The following NUCKS1 variants were observed in gnomAD, a reference collection of about 807,000 sequenced individuals.
NUCKS1 encodes nuclear casein kinase and cyclin dependent kinase substrate 1.
A neutral mutation model predicts 33.0 loss-of-function variants in NUCKS1; 2 were observed. That is an observed-to-expected ratio of 0.06 (90% confidence interval 0.02 to 0.19). NUCKS1 has a LOEUF of 0.19. Ranked by LOEUF, NUCKS1 falls within the 10% of genes least tolerant of loss-of-function variation. The pLI is 1.00. For missense variants in NUCKS1, 201 were observed against 293.6 expected (o/e 0.68, Z 2.31); for synonymous variants, 106 against 102.8 (o/e 1.03, Z -0.19).
intron 1 of NUCKS1, among the ~76,000 whole-genome samples, chr1:205,743,735 G>A (rs1558056408): frequency 6.6e-6 from 1 of 152,062 alleles, no homozygotes; most frequent in Non-Finnish European, 1.5e-5. Flanking sequence ...CTTTCTCATC[G>A]ACCTTGTAAC....
rs1671769401 is a variant in NUCKS1, at chr1:205,712,934, G to A, written c.*5346C>T. The A allele has an allele frequency of 6.6e-6, 1 of 152,110 alleles. No homozygotes were observed. The highest frequency in any genetic ancestry group is 6.5e-5 in the Admixed American group (1 of 15,268). The allele number at this position is 152,110 out of a possible 1,614,324, so 9.4% of individuals were successfully genotyped here. Reference sequence around the variant, plus strand: ...AAAAATGCTAATTAAGAATCCTTACGCACCCAGTCCAGTGCTCCCTTAATT... The same window carrying A: ...AAAAATGCTAATTAAGAATCCTTACACACCCAGTCCAGTGCTCCCTTAATT... On this transcript the variant is annotated 3_prime_UTR_variant, in exon 7 of 7. Transcript: ENST00000367142.
At chr1:205,727,377 T>C (rs940350059) in intron 3 of NUCKS1, among the ~76,000 whole-genome samples, 5 of 152,182 alleles carry the variant, frequency 3.3e-5, no homozygotes, top group African/African-American at 1.2e-4. Flanking sequence ...GGAGAATTGA[T>C]TATGAGACAG....
intron 1 of NUCKS1, among the ~76,000 whole-genome samples, chr1:205,742,983 G>A (rs1316568332): frequency 1.3e-5 from 2 of 152,108 alleles, no homozygotes; most frequent in Non-Finnish European, 2.9e-5. Context: ...TTACAGCTAG[G>A]AATTGTTTTT....
Position 205,719,585 on chromosome 1 carries a change from C to G in NUCKS1, c.474G>C (p.Lys158Asn). ...TTTCTTTTCTTTCAGGTTTGGACTT[C>G]TTAACCATCTTTTTGTTTTTCTTTT... Reference protein sequence around the residue: ...SSKKKNKKMVKKSKPERKEKK... With the variant: ...SSKKKNKKMVNKSKPERKEKK... The change falls in exon 6 of 7, where the codon AAG becomes AAC. Residue 158 changes from lysine to asparagine, a missense_variant. Lys to Asn is a moderately conservative substitution (Grantham distance 94, BLOSUM62 0). Transcript: ENST00000367142. 6.2e-7 allele frequency: 1 copy of G among 1,613,576 alleles called. No individual in the cohort carries two copies. Among genetic ancestry groups the G allele is most frequent in the Non-Finnish European group, 8.5e-7 (1 of 1,179,828 alleles).
At chr1:205,748,232 A>C (rs575732034) in intron 1 of NUCKS1, among the ~76,000 whole-genome samples, 1 of 152,356 alleles carries the variant, frequency 6.6e-6, no homozygotes, top group South Asian at 2.1e-4. Context: ...AATCTGGGAA[A>C]ACAAATTCAG....
chr1:205,735,841 CT>C (rs771859793), intron 1 of NUCKS1, among the ~76,000 whole-genome samples: 3 of 152,270 alleles, frequency 2.0e-5, no homozygotes, highest in Non-Finnish European at 2.9e-5. Flanking sequence ...GATTAAGTCA[CT>C]TTGTTGAAAA....
chr1:205,741,824 TTG>T (rs1388676125), intron 1 of NUCKS1, among the ~76,000 whole-genome samples: 2 of 152,156 alleles, frequency 1.3e-5, no homozygotes, highest in Non-Finnish European at 2.9e-5. Flanking sequence ...ATGCAGAGTT[TTG>T]TGTTTAACAA....
chr1:205,721,858 G>C (rs1671924243), intron 4 of NUCKS1, among the ~76,000 whole-genome samples: 1 of 151,866 alleles, frequency 6.6e-6, no homozygotes, highest in African/African-American at 2.4e-5. Flanking sequence ...ATTTTTAGTA[G>C]AGACAGGGTT....
At chr1:205,718,631 TC>T in intron 6 of NUCKS1, 152 bp from the exon 7 acceptor site, 1 of 1,027,036 alleles carries the variant, frequency 9.7e-7, no homozygotes, top group Non-Finnish European at 1.4e-6. Flanking sequence ...AGCACATATA[TC>T]CCTAGGTAAA....
intron 4 of NUCKS1, among the ~76,000 whole-genome samples, chr1:205,723,352 T>A (rs755218296): frequency 6.6e-6 from 1 of 152,116 alleles, no homozygotes; most frequent in African/African-American, 2.4e-5. Context: ...CAACAACAAG[T>A]AGAATCATCA....
intron 3 of NUCKS1, 152 bp from the exon 4 acceptor site, chr1:205,724,133 AT>A: frequency 1.4e-6 from 1 of 696,110 alleles, no homozygotes; most frequent in Non-Finnish European, 2.7e-6. Context: ...TTATTTCCTT[AT>A]TTACAGGGAT....
At position 205,717,848 on chromosome 1, in the gene NUCKS1, A is replaced by C; in HGVS notation, c.*432T>G. The C allele has an allele frequency of 2.0e-6, 2 of 985,934 alleles. No homozygotes were observed. The highest frequency in any genetic ancestry group is 2.4e-6 in the Non-Finnish European group (2 of 830,072). The allele number at this position is 985,934 out of a possible 1,614,324, so 61.1% of individuals were successfully genotyped here. ...AATCATTTTGAACTAAAATCTTTCT[A>C]TGTTTTTTGATTACTATTCAACTTG... On this transcript the variant is annotated 3_prime_UTR_variant, in exon 7 of 7. Transcript: ENST00000367142.
At position 205,726,298 on chromosome 1, in the gene NUCKS1, T is replaced by A. The variant is rs114715101; in HGVS notation, c.173+1402A>T. Among the ~76,000 whole-genome samples, 1,326 of 152,334 alleles carry A rather than the reference T, an allele frequency of 8.7e-3. 17 individuals are homozygous for A. The highest frequency in any genetic ancestry group is 0.012 in the Non-Finnish European group (837 of 68,028). On this transcript the variant is annotated intron_variant, in intron 3 of 6. Coordinates refer to ENST00000367142, the MANE Select transcript of NUCKS1 (RefSeq NM_022731.5). ...TGGGACGCTGAGATGGGAGGATCGC[T>A]TGAGCCCAGGAGTTTGAAACTAGCC...
chr1:205,714,567 C>A lies in NUCKS1; in HGVS notation c.*3713G>T, dbSNP rs1671793113. ...CATTTTGTATCGAATTTACCCCAGA[C>A]AAAGGGAAAACTGGTTGCGACTGAA... On this transcript the variant is annotated 3_prime_UTR_variant, in exon 7 of 7. Transcript: ENST00000367142. 6.6e-6 allele frequency: 1 copy of A among 152,084 alleles called. No homozygotes were observed. Among genetic ancestry groups the A allele is most frequent in the Non-Finnish European group, 1.5e-5 (1 of 68,010 alleles). 9.4% of individuals were successfully genotyped at this position (152,084 alleles called of 1,614,324 possible).
In NUCKS1 at chr1:205,717,776, T is replaced by C. The variant is rs1671848972; in HGVS notation, c.*504A>G. The C allele has an allele frequency of 2.0e-6, 2 of 985,212 alleles. No homozygotes were observed. The highest frequency in any genetic ancestry group is 2.4e-6 in the Non-Finnish European group (2 of 829,718). 61.0% of individuals were successfully genotyped at this position (985,212 alleles called of 1,614,324 possible). On this transcript the variant is annotated 3_prime_UTR_variant, in exon 7 of 7. Coordinates refer to ENST00000367142, the MANE Select transcript of NUCKS1 (RefSeq NM_022731.5). The stretch of plus-strand genomic sequence containing the variant: ...TTGTGTCTATAGACAAATAAACTCA[T>C]ATTAGATGACAATTGATTTTTTAAA...
At position 205,717,945 on chromosome 1, in the gene NUCKS1, C is replaced by A; in HGVS notation, c.*335G>T. 2.0e-6 allele frequency: 2 copies of A among 1,010,892 alleles called. No individual in the cohort carries two copies. The highest frequency in any genetic ancestry group is 2.4e-6 in the Non-Finnish European group (2 of 846,930). 62.6% of individuals were successfully genotyped at this position (1,010,892 alleles called of 1,614,324 possible). A position where few individuals can be genotyped will look rare whatever the true frequency, so the allele number is the denominator to read the frequency against. ...CTTATTGCTTTACAACCGTGGTACA[C>A]CTTTCATTAAAAATAAAAAGATGAA... On this transcript the variant is annotated 3_prime_UTR_variant, in exon 7 of 7. Coordinates refer to ENST00000367142, the MANE Select transcript of NUCKS1 (RefSeq NM_022731.5).
At chr1:205,748,428 TAAA>T (rs1391653126) in intron 1 of NUCKS1, among the ~76,000 whole-genome samples, 1 of 152,240 alleles carries the variant, frequency 6.6e-6, no homozygotes, top group Admixed American at 6.5e-5. Context: ...TACCTGATCC[TAAA>T]GAAAATATTC....
intron 1 of NUCKS1, among the ~76,000 whole-genome samples, chr1:205,749,008 T>C (rs529635194): frequency 3.5e-4 from 53 of 151,968 alleles, no homozygotes; most frequent in African/African-American, 1.2e-3. Context: ...GCTGGGGGAA[T>C]AGCAAACTTG....
chr1:205,719,477 T>A (rs1039947955), intron 6 of NUCKS1, 50 bp downstream of exon 6: 1 of 1,544,576 alleles, frequency 6.5e-7, no homozygotes, highest in Middle Eastern at 2.4e-4. Flanking sequence ...AAATAATGAT[T>A]CTCAAAATTT....
Sources: allele counts gnomAD v4.1 joint callset (sites outside exome capture counted in the v4.1 genomes callset), GRCh38; gene constraint gnomAD v4.1.1; transcripts MANE v1.5; gene names NCBI Gene and HGNC (gene_info 2026-07-23, HGNC 2026-07-21).